The following PEAK1 variants were observed in gnomAD, a reference collection of about 807,000 sequenced individuals.
PEAK1 encodes inactive tyrosine-protein kinase PEAK1.
A neutral mutation model predicts 124.7 loss-of-function variants in PEAK1; 54 were observed. The ratio of observed to expected loss-of-function variants is 0.43; its 90% CI spans 0.35 to 0.54. PEAK1 has a LOEUF of 0.54. PEAK1 is among the 20% of genes least tolerant of loss of function. PEAK1 has a pLI of 0.01. For missense variants in PEAK1, 2,046 were observed against 2,134.5 expected (o/e 0.96, Z 0.82); for synonymous variants, 719 against 760.0 (o/e 0.95, Z 0.89).
At chr15:77,372,651 C>A (rs530130959) in intron 1 of PEAK1, among the ~76,000 whole-genome samples, 1 of 152,268 alleles carries the variant, frequency 6.6e-6, no homozygotes, top group East Asian at 1.9e-4. Context: ...AAGTATCAGA[C>A]AGGCTAGCAG....
chr15:77,330,109 C>T (rs1313734004), intron 2 of PEAK1, among the ~76,000 whole-genome samples: 3 of 151,796 alleles, frequency 2.0e-5, no homozygotes, highest in Admixed American at 6.6e-5. Flanking sequence ...TTTTTTACTG[C>T]TTTTAAAATA....
At position 77,383,017 on chromosome 15, in the gene PEAK1, TCC is replaced by T. The variant is rs1352734420; in HGVS notation, c.-665-17794_-665-17793del. Among the ~76,000 whole-genome samples, 446 of 149,608 alleles carry T rather than the reference TCC, an allele frequency of 3.0e-3. 2 individuals carry two copies. Among genetic ancestry groups the T allele is most frequent in the African/African-American group, 0.01 (419 of 40,722 alleles). On this transcript the variant is annotated intron_variant, in intron 1 of 9. Transcript: ENST00000682557. ...TTGAAATATGAAATCAGTTTGTATC[TCC>T]TTTTTTTTTTTTTTTTTTTTTGACA...
chr15:77,222,429 A>C (rs961625295), intron 6 of PEAK1, among the ~76,000 whole-genome samples: 3 of 151,998 alleles, frequency 2.0e-5, no homozygotes, highest in African/African-American at 7.2e-5. Flanking sequence ...CATATATATT[A>C]CTGCTAATCA....
chr15:77,403,720 T>C (rs927169890), intron 1 of PEAK1: 6 of 940,984 alleles, frequency 6.4e-6, no homozygotes, highest in Non-Finnish European at 7.6e-6. Context: ...AAGGGCAGGA[T>C]TATCTCCATC....
At chr15:77,219,128 T>C (rs981625072) in intron 6 of PEAK1, among the ~76,000 whole-genome samples, 4 of 152,162 alleles carry the variant, frequency 2.6e-5, no homozygotes, top group Non-Finnish European at 2.9e-5. Context: ...AATATATGTA[T>C]ACTGTATATA....
At chr15:77,227,672 T>C (rs1344733926) in intron 6 of PEAK1, among the ~76,000 whole-genome samples, 3 of 152,094 alleles carry the variant, frequency 2.0e-5, no homozygotes, top group Non-Finnish European at 4.4e-5. Context: ...GTCCTATGAT[T>C]TAATAATTTT....
chr15:77,320,767 G>A (rs757910534), intron 2 of PEAK1, among the ~76,000 whole-genome samples: 26 of 152,046 alleles, frequency 1.7e-4, no homozygotes, highest in Non-Finnish European at 2.5e-4. Flanking sequence ...CCATTAACTC[G>A]TCATTTAACA....
chr15:77,174,765 T>C (rs1482010385), intron 7 of PEAK1, among the ~76,000 whole-genome samples: 1 of 152,044 alleles, frequency 6.6e-6, no homozygotes, highest in Admixed American at 6.6e-5. Context: ...AAAGTTCATA[T>C]GAAACCAAAA....
chr15:77,343,112 C>G (rs1456015302), intron 2 of PEAK1, among the ~76,000 whole-genome samples: 1 of 152,178 alleles, frequency 6.6e-6, no homozygotes, highest in Non-Finnish European at 1.5e-5. Flanking sequence ...TTATCCGTGT[C>G]CTTGCCAATA....
At chr15:77,152,451 T>A (rs2054728806) in intron 8 of PEAK1, among the ~76,000 whole-genome samples, 1 of 152,088 alleles carries the variant, frequency 6.6e-6, no homozygotes, top group Admixed American at 6.6e-5. Context: ...CAATTTGACT[T>A]CCTCTTTTCC....
chr15:77,140,822 C>A (rs1012486422), intron 8 of PEAK1, among the ~76,000 whole-genome samples: 3 of 151,652 alleles, frequency 2.0e-5, no homozygotes, highest in Non-Finnish European at 2.9e-5. Flanking sequence ...GCAGCCTTGA[C>A]CTCCCAGGCT....
At chr15:77,415,373 C>T (rs1415333877) in intron 1 of PEAK1, among the ~76,000 whole-genome samples, 1 of 152,178 alleles carries the variant, frequency 6.6e-6, no homozygotes, top group East Asian at 1.9e-4. Flanking sequence ...TACAGACTAT[C>T]TTTTTTTCCA....
intron 8 of PEAK1, among the ~76,000 whole-genome samples, chr15:77,150,500 ATAAT>A (rs1348772439): frequency 6.6e-6 from 1 of 151,892 alleles, no homozygotes; most frequent in Non-Finnish European, 1.5e-5. Flanking sequence ...ATGAAATAAA[ATAAT>A]TATTTATTTA....
intron 2 of PEAK1, among the ~76,000 whole-genome samples, chr15:77,312,283 T>C (rs910010989): frequency 1.3e-5 from 2 of 152,172 alleles, no homozygotes; most frequent in Non-Finnish European, 2.9e-5. Flanking sequence ...TATTACTATA[T>C]TCCATTTTTA....
intron 7 of PEAK1, chr15:77,178,488 A>G (rs2057023563): frequency 1.0e-5 from 4 of 389,638 alleles, no homozygotes; most frequent in Non-Finnish European, 1.8e-5. Context: ...TTCCAAAACA[A>G]CACATTATTT....
intron 2 of PEAK1, chr15:77,333,483 A>AT: frequency 1.1e-6 from 1 of 894,746 alleles, no homozygotes; most frequent in Non-Finnish European, 1.3e-6. Context: ...AAGAATAAAT[A>AT]TTTTCTTAAA....
At chr15:77,406,928 G>A (rs749147496) in intron 1 of PEAK1, among the ~76,000 whole-genome samples, 12 of 152,138 alleles carry the variant, frequency 7.9e-5, no homozygotes, top group South Asian at 2.1e-4. Context: ...AAATAGGCAC[G>A]TAGACCAATT....
chr15:77,148,920 G>A (rs942944126), intron 8 of PEAK1, among the ~76,000 whole-genome samples: 17 of 152,150 alleles, frequency 1.1e-4, no homozygotes, highest in African/African-American at 2.6e-4. Flanking sequence ...AGACCCTGTC[G>A]CTAAGAAAAT....
chr15:77,296,353 G>A (rs977783972), intron 2 of PEAK1, among the ~76,000 whole-genome samples: 1 of 150,534 alleles, frequency 6.6e-6, no homozygotes, highest in African/African-American at 2.5e-5. Flanking sequence ...GGCTCACGCC[G>A]GTAATCCCAG....
Sources: allele counts gnomAD v4.1 joint callset (sites outside exome capture counted in the v4.1 genomes callset), GRCh38; gene constraint gnomAD v4.1.1; transcripts MANE v1.5; gene names NCBI Gene and HGNC (gene_info 2026-07-23, HGNC 2026-07-21).